OGDHL: variants seen among roughly 807,000 people sequenced by gnomAD.
OGDHL encodes the protein 2-oxoglutarate dehydrogenase-like, mitochondrial.
In OGDHL, 79 loss-of-function variants were observed where a neutral mutation model predicts 109.6. That is an observed-to-expected ratio of 0.72 (90% confidence interval 0.60 to 0.87). The LOEUF (loss-of-function observed/expected upper bound fraction) is 0.87, where lower values mean the gene tolerates loss of function less well. Among genes scored for constraint, OGDHL ranks in the 40% least tolerant of loss-of-function variants. OGDHL has a pLI of 0.00. For synonymous variants in OGDHL, 528 were observed against 537.2 expected (o/e 0.98, Z 0.24); for missense variants, 1,275 against 1,362.2 (o/e 0.94, Z 1.01).
chr10:49,741,882 CCA>C (rs939183221), intron 15 of OGDHL, among the ~76,000 whole-genome samples: 4 of 144,762 alleles, frequency 2.8e-5, no homozygotes, highest in Admixed American at 6.8e-5. Flanking sequence ...ACCACACATA[CCA>C]CACACACCAC....
chr10:49,752,246 A>C lies in OGDHL; in HGVS notation c.481T>G (p.Phe161Val). The change falls in exon 5 of 23, where the codon TTC becomes GTC. Residue 161 changes from phenylalanine to valine, a missense_variant and splice_region_variant. Transcript: ENST00000374103. ...AGGTCAGCCTCCTGAAGGTCATAGA[A>C]GGCTGGAGAAGGAGGCGTGGCCGAG... ...DLITTIDKLAFYDLQEADLDK... is the reference protein window; with the variant it reads ...DLITTIDKLAVYDLQEADLDK... 6.2e-7 allele frequency: 1 copy of C among 1,613,142 alleles called. No homozygotes were observed. Among genetic ancestry groups the C allele is most frequent in the Non-Finnish European group, 8.5e-7 (1 of 1,179,376 alleles).
At chr10:49,744,518 G>T in intron 13 of OGDHL, 132 bp downstream of exon 13, 1 of 697,902 alleles carries the variant, frequency 1.4e-6, no homozygotes, top group African/African-American at 1.8e-5. Context: ...CAGCTTTGGG[G>T]ACTCAGTGAT....
Position 49,736,020 on chromosome 10 carries a change from T to C in OGDHL, c.2909+3A>G. 6.4e-7 allele frequency: 1 copy of C among 1,569,226 alleles called. No individual in the cohort carries two copies. The highest frequency in any genetic ancestry group is 1.2e-5 in the South Asian group (1 of 82,026). ...AGGGGCAATCAGCGGCCCCACCATG[T>C]ACCATATGGGCCGTGCGCGCCTCAG... On this transcript the variant is annotated splice_donor_region_variant and intron_variant, in intron 22 of 22. Transcript: ENST00000374103.
At chr10:49,761,430 C>T (rs1392842960) in intron 1 of OGDHL, among the ~76,000 whole-genome samples, 1 of 152,232 alleles carries the variant, frequency 6.6e-6, no homozygotes, top group Admixed American at 6.5e-5. Context: ...AGGGTTCTCC[C>T]CAGAGGGCCC....
At chr10:49,748,198 C>T (rs1235829561) in intron 8 of OGDHL, among the ~76,000 whole-genome samples, 4 of 152,156 alleles carry the variant, frequency 2.6e-5, no homozygotes, top group African/African-American at 7.2e-5. Flanking sequence ...TGAGAACAAC[C>T]CAATGTCCAG....
At position 49,736,515 on chromosome 10, in the gene OGDHL, T is replaced by C; in HGVS notation, c.2596A>G (p.Ser866Gly). ...TCTTCAGGAATCACCCGCTGGAAGC[T>C]GGTCCCTGAGGGACCAACAGGACAT... is the stretch of plus-strand genomic sequence containing the variant. ...SSFDQMVSGT[S>G]FQRVIPEDGA... Residue 866 changes from serine (S) to glycine (G), a missense_variant, in exon 21 of 23, where the codon AGC becomes GGC. By Grantham distance (56) the Ser-to-Gly change is moderately conservative. Coordinates refer to ENST00000374103, the MANE Select transcript of OGDHL (RefSeq NM_018245.3). 1 of 1,613,090 alleles carries C rather than the reference T, an allele frequency of 6.2e-7. No homozygotes were observed.
chr10:49,745,728 T>C (rs1842130264), intron 11 of OGDHL, 70 bp downstream of exon 11: 3 of 1,542,434 alleles, frequency 1.9e-6, no homozygotes, highest in Admixed American at 3.5e-5. Flanking sequence ...AAGATGCTGA[T>C]GACATGGCTG....
At chr10:49,738,467 C>T in intron 17 of OGDHL, 1 of 599,548 alleles carries the variant, frequency 1.7e-6, no homozygotes, top group Non-Finnish European at 3.0e-6. Context: ...CCAGAGCTAG[C>T]ACAGTATGTG....
chr10:49,758,781 CAGCTCAGTA>C, intron 1 of OGDHL, 188 bp from the exon 2 acceptor site: 1 of 628,472 alleles, frequency 1.6e-6, no homozygotes, highest in East Asian at 2.7e-5. Flanking sequence ...TGGAAGCTCC[CAGCTCAGTA>C]AACTCTATCA....
In OGDHL at chr10:49,738,235, C is replaced by T. The variant is rs1227541536; in HGVS notation, c.2347G>A (p.Glu783Lys). ...MGPEHSSARP[E>K]RFLQMSNDDS... Reference sequence around the variant, plus strand: ...TCATTGCTCATCTGCAGGAACCTTTCGGGCCTCGCTGACGAGTGCTCTGGG... The same window carrying T: ...TCATTGCTCATCTGCAGGAACCTTTTGGGCCTCGCTGACGAGTGCTCTGGG... Residue 783 changes from glutamate (E) to lysine (K), a missense_variant, in exon 18 of 23, where the codon GAA becomes AAA. Physicochemically the swap from Glu to Lys is moderately conservative, Grantham distance 56 (BLOSUM62 1). Coordinates refer to ENST00000374103, the MANE Select transcript of OGDHL (RefSeq NM_018245.3). 32 of 1,613,448 alleles carry T rather than the reference C, an allele frequency of 2.0e-5. No homozygotes were observed. Among genetic ancestry groups the T allele is most frequent in the East Asian group, 6.7e-5 (3 of 44,874 alleles).
At position 49,745,993 on chromosome 10, in the gene OGDHL, A is replaced by T; in HGVS notation, c.1297-16T>A. On this transcript the variant is annotated splice_polypyrimidine_tract_variant and intron_variant, in intron 10 of 22. Coordinates refer to ENST00000374103, the MANE Select transcript of OGDHL (RefSeq NM_018245.3). ...TGAATCCAATCTGCAGAGGCAGGAG[A>T]AACCTGCTGCGCCTCTCAATTTACT... 1.2e-6 allele frequency: 2 copies of T among 1,612,356 alleles called. No individual in the cohort carries two copies. The highest frequency in any genetic ancestry group is 1.7e-6 in the Non-Finnish European group (2 of 1,178,734).
At chr10:49,739,450 T>C (rs1472686962) in intron 17 of OGDHL, 1 of 545,192 alleles carries the variant, frequency 1.8e-6, no homozygotes, top group African/African-American at 1.9e-5. Context: ...CAAGCACTCA[T>C]ACGTGGTAGC....
chr10:49,757,769 A>G (rs991306200), intron 2 of OGDHL, among the ~76,000 whole-genome samples: 6 of 152,234 alleles, frequency 3.9e-5, no homozygotes, highest in African/African-American at 1.4e-4. Flanking sequence ...TATGTGTTAC[A>G]GGTTACTTTT....
intron 6 of OGDHL, 48 bp downstream of exon 6, chr10:49,751,779 G>A (rs200749159): frequency 9.1e-5 from 146 of 1,597,028 alleles, no homozygotes; most frequent in African/African-American, 4.0e-5. Context: ...GTCTCATAGA[G>A]CCCTGGAGCA....
intron 14 of OGDHL, among the ~76,000 whole-genome samples, chr10:49,743,349 G>A (rs147483977): frequency 3.9e-5 from 6 of 152,134 alleles, no homozygotes; most frequent in East Asian, 2.0e-4. Context: ...CAAACAGAGC[G>A]GGCACATGCC....
intron 20 of OGDHL, 76 bp downstream of exon 20, chr10:49,737,710 G>A: frequency 6.6e-7 from 1 of 1,511,764 alleles, no homozygotes; most frequent in Non-Finnish European, 9.2e-7. Context: ...GGTTGGAGAA[G>A]CCCCAGAAGC....
chr10:49,749,738 C>G lies in OGDHL; in HGVS notation c.975G>C (p.Glu325Asp), dbSNP rs1842453509. The change falls in exon 8 of 23, where the codon GAG (glutamate) becomes GAC (aspartate). Residue 325 changes from glutamate (E) to aspartate (D), a missense_variant. Coordinates refer to ENST00000374103, the MANE Select transcript of OGDHL (RefSeq NM_018245.3). ...GCATGGCACCCACCTCGTCCGCCGC[C>G]TCCAGCTTGGGGTCAAACTGGCAGA... ...QIFCQFDPKL[E>D]AADEGSGDVK... 1 of 1,594,230 alleles carries G rather than the reference C, an allele frequency of 6.3e-7. No individual in the cohort carries two copies. Among genetic ancestry groups the G allele is most frequent in the African/African-American group, 1.3e-5 (1 of 74,694 alleles).
At position 49,746,891 on chromosome 10, in the gene OGDHL, T is replaced by C. The variant is rs765688740; in HGVS notation, c.1168-13A>G. ...GGATGGACATGACCTGCAGGGCAGGTGTGAGCCAGGAGGGGCTGCGTGCCC... is the reference window on the plus strand; with the variant it reads ...GGATGGACATGACCTGCAGGGCAGGCGTGAGCCAGGAGGGGCTGCGTGCCC... On this transcript the variant is annotated splice_polypyrimidine_tract_variant and intron_variant, in intron 9 of 22. Coordinates refer to ENST00000374103, the MANE Select transcript of OGDHL (RefSeq NM_018245.3). 10 of 1,613,940 alleles carry C rather than the reference T, an allele frequency of 6.2e-6. No homozygotes were observed. The South Asian group carries it at 8.8e-5, about 14-fold the overall frequency.
chr10:49,757,059 A>C, intron 2 of OGDHL, 113 bp from the exon 3 acceptor site: 1 of 1,050,808 alleles, frequency 9.5e-7, no homozygotes, highest in Non-Finnish European at 1.3e-6. Context: ...CACAGCTCTC[A>C]GGGCCTTCCC....
Sources: gnomAD v4.1 joint callset for allele counts (sites outside exome capture counted in the v4.1 genomes callset) on GRCh38, gnomAD v4.1.1 for gene constraint, MANE v1.5 for transcripts, NCBI Gene and HGNC (gene_info 2026-07-23, HGNC 2026-07-21) for gene names.